NTHL1: variants seen among roughly 807,000 people sequenced by gnomAD.
NTHL1 encodes the protein nth like DNA glycosylase 1.
NTHL1 carries 32 observed loss-of-function variants against 32.3 expected under a neutral mutation model. That is an observed-to-expected ratio of 0.99 (90% confidence interval 0.75 to 1.33). NTHL1 has a LOEUF of 1.33. Ranked by LOEUF, NTHL1 falls within the 40% of genes most tolerant of loss-of-function variation. The probability of loss-of-function intolerance (pLI) is 0.00; values close to 1 mark genes in which losing one functional copy is unlikely to be tolerated. For missense variants in NTHL1, 501 were observed against 414.1 expected (o/e 1.21, Z -1.82); for synonymous variants, 188 against 176.9 (o/e 1.06, Z -0.50).
At chr16:2,047,383 A>C in intron 1 of NTHL1, 1 of 396,114 alleles carries the variant, frequency 2.5e-6, no homozygotes. Flanking sequence ...CTCCGAGGAC[A>C]GCAAGTTCAC....
intron 1 of NTHL1, 25 bp downstream of exon 1, chr16:2,047,684 C>G (rs2150956899): frequency 6.4e-7 from 1 of 1,560,872 alleles, no homozygotes; most frequent in Non-Finnish European, 8.6e-7. Context: ...CCTCCTCCCA[C>G]GCTCCAGCCA....
intron 4 of NTHL1, chr16:2,040,474 G>C (rs1484954513): frequency 6.7e-6 from 4 of 599,270 alleles, no homozygotes; most frequent in Non-Finnish European, 1.2e-5. Context: ...GAGCCAGCCT[G>C]GGGGGCTCTG....
In NTHL1 at chr16:2,039,878, C is replaced by G; in HGVS notation, c.*46G>C. On this transcript the variant is annotated 3_prime_UTR_variant, in exon 6 of 6. Transcript: ENST00000651570. ...GGCTTCCTGAAGCGTAAAGCCACTT[C>G]ACAGACGGTGGCCACAGCGGCACCT... is the stretch of plus-strand genomic sequence containing the variant. 6.3e-7 allele frequency: 1 copy of G among 1,597,338 alleles called. No individual in the cohort carries two copies. Among genetic ancestry groups the G allele is most frequent in the Non-Finnish European group, 8.5e-7 (1 of 1,179,428 alleles).
chr16:2,039,922 C>A lies in NTHL1; in HGVS notation c.*2G>T. ...GGCACCTCGGCCAGAGCCATGCGGCCATCAGAGACCCTGGGCGGCCGGGCA... is the reference window on the plus strand; with the variant it reads ...GGCACCTCGGCCAGAGCCATGCGGCAATCAGAGACCCTGGGCGGCCGGGCA... On this transcript the variant is annotated 3_prime_UTR_variant, in exon 6 of 6. Transcript: ENST00000651570. 1 of 1,601,378 alleles carries A rather than the reference C, an allele frequency of 6.2e-7. No individual in the cohort carries two copies. The highest frequency in any genetic ancestry group is 8.5e-7 in the Non-Finnish European group (1 of 1,179,846).
chr16:2,040,358 G>C (rs3211989), intron 4 of NTHL1, 120 bp from the exon 5 acceptor site: 2 of 900,440 alleles, frequency 2.2e-6, no homozygotes, highest in Admixed American at 1.8e-5. Flanking sequence ...CATTGGAACC[G>C]CAAAGCCCTG....
In NTHL1 at chr16:2,040,027, T is replaced by G. The variant is rs149287105; in HGVS notation, c.812A>C (p.Asn271Thr). The change falls in exon 6 of 6, where the codon AAT becomes ACT. Residue 271 changes from asparagine to threonine, a missense_variant. By Grantham distance (65) the Asn-to-Thr change is moderately conservative. Coordinates refer to ENST00000651570, the MANE Select transcript of NTHL1 (RefSeq NM_002528.7). ...WLPRELWHEINGLLVGFGQQT... is the reference protein window; with the variant it reads ...WLPRELWHEITGLLVGFGQQT... ...CTGGCCGAAGCCCACCAAGAGTCCA[T>G]TGATCTCGTGCCACAGCTCCCTGTG... The G allele has an allele frequency of 6.2e-7, 1 of 1,612,214 alleles. No homozygotes were observed. The highest frequency in any genetic ancestry group is 1.7e-5 in the Admixed American group (1 of 60,018).
At chr16:2,040,852 C>G (rs2531218) in intron 4 of NTHL1, among the ~76,000 whole-genome samples, 3 of 152,218 alleles carry the variant, frequency 2.0e-5, no homozygotes, top group African/African-American at 7.2e-5. Context: ...AGCACTGGCT[C>G]TGGGCACCAG....
At position 2,044,046 on chromosome 16, in the gene NTHL1, G is replaced by A; in HGVS notation, c.526-320C>T. 1 of 431,218 alleles carries A rather than the reference G, an allele frequency of 2.3e-6. No homozygotes were observed. Among genetic ancestry groups the A allele is most frequent in the Non-Finnish European group, 4.3e-6 (1 of 231,588 alleles). The allele number at this position is 431,218 out of a possible 1,614,324, so 26.7% of individuals were successfully genotyped here. Reference sequence around the variant, plus strand: ...CCGCTCCCAGGAGTGGGGCTTGGCTGCACCTGCGCCTTCAGGAAGGAGGGC... The same window carrying A: ...CCGCTCCCAGGAGTGGGGCTTGGCTACACCTGCGCCTTCAGGAAGGAGGGC... On this transcript the variant is annotated intron_variant, in intron 3 of 5. Transcript: ENST00000651570. This position sits in a 1 kb window ranked among gnomAD's most constrained non-coding sequence, Gnocchi z 5.0.
intron 4 of NTHL1, chr16:2,040,518 T>C (rs373320350): frequency 3.7e-6 from 2 of 535,920 alleles, no homozygotes; most frequent in Non-Finnish European, 6.8e-6. Flanking sequence ...CTGGTGCTAG[T>C]TGGATGTGTG....
Position 2,043,832 on chromosome 16 carries a change from T to G in NTHL1, c.526-106A>C. On this transcript the variant is annotated intron_variant, in intron 3 of 5. Transcript: ENST00000651570. The surrounding 1 kb of genome is among the most constrained non-coding windows in gnomAD (Gnocchi z 4.4). ...GGTGGCCAGAGCTACCTGCACCTGC[T>G]GAGGACGTGTGCAAGCTCAGCCCCC... 7.6e-7 allele frequency: 1 copy of G among 1,323,968 alleles called. No individual in the cohort carries two copies. The highest frequency in any genetic ancestry group is 1.1e-6 in the Non-Finnish European group (1 of 942,936). The allele number at this position is 1,323,968 out of a possible 1,614,324, so 82.0% of individuals were successfully genotyped here.
In NTHL1 at chr16:2,044,822, C is replaced by G. The variant is rs773824795; in HGVS notation, c.355-22G>C. 6.3e-7 allele frequency: 1 copy of G among 1,575,994 alleles called. No homozygotes were observed. The highest frequency in any genetic ancestry group is 8.6e-7 in the Non-Finnish European group (1 of 1,158,994). ...GTACCTGCTTGTGCAGTGACAGGGA[C>G]CGGGGTGGCGGCGGGTCCTGGGTGA... On this transcript the variant is annotated intron_variant, in intron 2 of 5. Transcript: ENST00000651570. The surrounding 1 kb of genome is among the most constrained non-coding windows in gnomAD (Gnocchi z 5.0).
chr16:2,042,433 G>C (rs769526702), intron 4 of NTHL1, among the ~76,000 whole-genome samples: 2 of 152,180 alleles, frequency 1.3e-5, no homozygotes, highest in Non-Finnish European at 2.9e-5. Flanking sequence ...AGCCTCACCA[G>C]GTGGCCCCGG....
At chr16:2,042,936 G>T (rs1399165620) in intron 4 of NTHL1, among the ~76,000 whole-genome samples, 5 of 45,784 alleles carry the variant, frequency 1.1e-4, no homozygotes, top group Admixed American at 4.5e-4. Context: ...TCCTGTCCCC[G>T]CAGAGCCTCC....
chr16:2,044,899 C>G lies in NTHL1; in HGVS notation c.355-99G>C. Reference sequence around the variant, plus strand: ...CCTCGACACACCCTGGTTTGTTGCCCTGGGCCACACTTGAGGCATCAGCCT... The same window carrying G: ...CCTCGACACACCCTGGTTTGTTGCCGTGGGCCACACTTGAGGCATCAGCCT... On this transcript the variant is annotated intron_variant, in intron 2 of 5. Transcript: ENST00000651570. The surrounding 1 kb of genome is among the most constrained non-coding windows in gnomAD (Gnocchi z 5.0). 1 of 1,376,060 alleles carries G rather than the reference C, an allele frequency of 7.3e-7. No homozygotes were observed. Among genetic ancestry groups the G allele is most frequent in the Non-Finnish European group, 9.8e-7 (1 of 1,024,440 alleles). 85.2% of individuals were successfully genotyped at this position (1,376,060 alleles called of 1,614,324 possible).
intron 4 of NTHL1, 131 bp from the exon 5 acceptor site, chr16:2,040,369 G>T: frequency 1.2e-6 from 1 of 843,650 alleles, no homozygotes; most frequent in East Asian, 2.5e-5. Context: ...CAAAGCCCTG[G>T]CTGCAAGCCT....
rs2150937890 is a variant in NTHL1 at position 2,040,002 on chromosome 16, C to T, written c.837G>A (p.Gln279=). ...EINGLLVGFG[Q]QTCLPVHPRC... ...GAGGGTGCACAGGCAGACAGGTCTGCTGGCCGAAGCCCACCAAGAGTCCAT... is the reference window on the plus strand; with the variant it reads ...GAGGGTGCACAGGCAGACAGGTCTGTTGGCCGAAGCCCACCAAGAGTCCAT... Residue 279 remains glutamine (Q), a synonymous_variant, in exon 6 of 6, where the codon CAG becomes CAA. Transcript: ENST00000651570. 1 of 1,611,264 alleles carries T rather than the reference C, an allele frequency of 6.2e-7. No individual in the cohort carries two copies.
At chr16:2,040,753 C>A (rs1052703701) in intron 4 of NTHL1, among the ~76,000 whole-genome samples, 2 of 152,210 alleles carry the variant, frequency 1.3e-5, no homozygotes, top group Admixed American at 6.5e-5. Flanking sequence ...CAGCCCTCAG[C>A]CTCCCCAGGA....
rs111484173 is a variant in NTHL1 at position 2,044,888 on chromosome 16, G to A, written c.355-88C>T. The A allele has an allele frequency of 9.7e-6, 14 of 1,437,864 alleles. No homozygotes were observed. Among genetic ancestry groups the A allele is most frequent in the African/African-American group, 8.4e-5 (6 of 71,238 alleles). 89.1% of individuals were successfully genotyped at this position (1,437,864 alleles called of 1,614,324 possible). A position where few individuals can be genotyped will look rare whatever the true frequency, so the allele number is the denominator to read the frequency against. On this transcript the variant is annotated intron_variant, in intron 2 of 5. Transcript: ENST00000651570. The surrounding 1 kb of genome is among the most constrained non-coding windows in gnomAD (Gnocchi z 5.0). ...CCGCCCCCCGCCCTCGACACACCCT[G>A]GTTTGTTGCCCTGGGCCACACTTGA... is the stretch of plus-strand genomic sequence containing the variant.
rs113988108 is a variant in NTHL1 at position 2,044,491 on chromosome 16, C to T, written c.525+139G>A. 9 of 1,099,988 alleles carry T rather than the reference C, an allele frequency of 8.2e-6. No individual in the cohort carries two copies. The African/African-American group carries it at 1.2e-4, about 15-fold the overall frequency. The allele number at this position is 1,099,988 out of a possible 1,614,324, so 68.1% of individuals were successfully genotyped here. ...GCGTCAGGCCTCAGGGCCCCACGGC[C>T]TGGGGGGGGCTTCAGGGGGACCCCC... On this transcript the variant is annotated intron_variant, in intron 3 of 5. Transcript: ENST00000651570. The surrounding 1 kb of genome is among the most constrained non-coding windows in gnomAD (Gnocchi z 5.0).
Sources: allele counts gnomAD v4.1 joint callset (sites outside exome capture counted in the v4.1 genomes callset), GRCh38; gene constraint gnomAD v4.1.1; non-coding constraint Gnocchi (gnomAD v3.1); transcripts MANE v1.5; gene names NCBI Gene and HGNC (gene_info 2026-07-23, HGNC 2026-07-21).